GLRA2: variants seen among roughly 807,000 people sequenced by gnomAD.
The protein encoded by GLRA2 is glycine receptor alpha 2, also known as glycine receptor subunit alpha-2.
Under a neutral mutation model 31.6 loss-of-function variants are expected in GLRA2, and 11 were observed. That is an observed-to-expected ratio of 0.35 (90% confidence interval 0.22 to 0.58). GLRA2 has a LOEUF of 0.58. Ranked by LOEUF, GLRA2 falls within the 20% of genes least tolerant of loss-of-function variation. The pLI is 0.84. For synonymous variants in GLRA2, 132 were observed against 134.0 expected, an observed-to-expected ratio of 0.99 and a Z score of 0.10; for missense variants, 212 against 351.8, an observed-to-expected ratio of 0.60 and a Z score of 3.18.
At position 14,607,120 on chromosome X, in the gene GLRA2, C is replaced by A; in HGVS notation, c.578-11C>A. On this transcript the variant is annotated splice_polypyrimidine_tract_variant and intron_variant, in intron 5 of 8. Coordinates refer to ENST00000218075, the MANE Select transcript of GLRA2 (RefSeq NM_002063.4). ...CCATATTCAATTTTCACTATGATTT[C>A]TTTACCTCAGTTGGGTACACGATGA... 8.6e-7 allele frequency: 1 copy of A among 1,163,805 alleles called. No homozygotes were observed. Among genetic ancestry groups the A allele is most frequent in the African/African-American group, 1.8e-5 (1 of 56,209 alleles).
the GLRA2 span, among the ~76,000 whole-genome samples, chrX:14,471,320 A>C: frequency 3.6e-5 from 4 of 111,919 alleles, no homozygotes; most frequent in Admixed American, 1.9e-4. Flanking sequence ...GGCACCTTCA[A>C]CTGATATCTT....
Position 14,533,780 on chromosome X carries a change from G to C in GLRA2, c.202+1408G>C, listed in dbSNP as rs1330105658. Among the ~76,000 whole-genome samples, 3 of 110,970 alleles carry C rather than the reference G, an allele frequency of 2.7e-5. No individual in the cohort carries two copies. In the East Asian group the frequency reaches 8.4e-4, roughly 31 times the overall value. ...GGTGCTTCTATCAAAAATTTTAGTGGAGGGAGGAGATGTTACATGAATACT... is the reference window on the plus strand; with the variant it reads ...GGTGCTTCTATCAAAAATTTTAGTGCAGGGAGGAGATGTTACATGAATACT... On this transcript the variant is annotated intron_variant, in intron 2 of 8. Transcript: ENST00000218075.
chrX:14,555,964 C>G (rs1006823005), intron 2 of GLRA2, among the ~76,000 whole-genome samples: 6 of 111,331 alleles, frequency 5.4e-5, no homozygotes, highest in African/African-American at 2.0e-4. Context: ...CCAGAGCAAA[C>G]TAGAAAAGAT....
chrX:14,631,483 T>A (rs2090646370), intron 7 of GLRA2, among the ~76,000 whole-genome samples: 1 of 111,307 alleles, frequency 9.0e-6, no homozygotes, highest in African/African-American at 3.3e-5. Flanking sequence ...ATTGTGGTTT[T>A]TATCTTGTTG....
At chrX:14,480,797 T>A in the GLRA2 span, among the ~76,000 whole-genome samples, 1 of 111,847 alleles carries the variant, frequency 8.9e-6, no homozygotes, top group Admixed American at 9.5e-5. Context: ...TAACGTGGTA[T>A]CTCCAGGTTT....
At chrX:14,483,081 C>T in the GLRA2 span, among the ~76,000 whole-genome samples, 1 of 111,572 alleles carries the variant, frequency 9.0e-6, no homozygotes. Context: ...GAAAGGCAAC[C>T]CTCTTCCAAT....
At chrX:14,483,292 A>G in the GLRA2 span, among the ~76,000 whole-genome samples, 2 of 111,789 alleles carry the variant, frequency 1.8e-5, no homozygotes, top group African/African-American at 3.3e-5. Context: ...GGAACAATGC[A>G]GAAACTGAGA....
At chrX:14,578,828 A>G (rs753934744) in intron 3 of GLRA2, among the ~76,000 whole-genome samples, 1 of 111,594 alleles carries the variant, frequency 9.0e-6, no homozygotes, top group Non-Finnish European at 1.9e-5. Flanking sequence ...AAAATAGAGA[A>G]AAGATGCTCT....
chrX:14,644,842 A>G (rs1371833660), intron 7 of GLRA2, among the ~76,000 whole-genome samples: 1 of 112,110 alleles, frequency 8.9e-6, no homozygotes, highest in African/African-American at 3.2e-5. Flanking sequence ...ACAGAAGAAA[A>G]TAATTCAGTT....
intron 8 of GLRA2, among the ~76,000 whole-genome samples, chrX:14,693,532 T>A (rs770597310): frequency 2.9e-4 from 32 of 111,943 alleles, no homozygotes; most frequent in African/African-American, 9.7e-4. Context: ...TGAGGAATTG[T>A]AATATACCTC....
At chrX:14,503,397 T>C in the GLRA2 span, among the ~76,000 whole-genome samples, 1 of 111,634 alleles carries the variant, frequency 9.0e-6, no homozygotes, top group South Asian at 3.8e-4. Context: ...TTTCCGACGA[T>C]TAGTTTCTAT....
At chrX:14,493,562 C>T in the GLRA2 span, among the ~76,000 whole-genome samples, 6 of 103,188 alleles carry the variant, frequency 5.8e-5, no homozygotes, top group Non-Finnish European at 1.2e-4. Flanking sequence ...CATATATACA[C>T]ATATATACAT....
At chrX:14,527,714 C>G (rs6630545), upstream of GLRA2, among the ~76,000 whole-genome samples, 5 of 111,739 alleles carry the variant, frequency 4.5e-5, no homozygotes, top group South Asian at 1.1e-3. Flanking sequence ...ATCTTTATAC[C>G]TAATTTTCTT....
rs958806609 is a variant in GLRA2 at position 14,574,627 on chromosome X, C to G, written c.270+227C>G. On this transcript the variant is annotated intron_variant, in intron 3 of 8. Coordinates refer to ENST00000218075, the MANE Select transcript of GLRA2 (RefSeq NM_002063.4). ...GATGTGGGATTGAAGTGCACTGTGG[C>G]ATATTTGTGAGACATTTACTGAGTG... is the stretch of plus-strand genomic sequence containing the variant. 1.6e-5 allele frequency: 13 copies of G among 819,017 alleles called. No homozygotes were observed. The South Asian group carries it at 2.6e-4, about 16-fold the overall frequency. The allele number at this position is 819,017 out of a possible 1,213,427, so 67.5% of individuals were successfully genotyped here. A position where few individuals can be genotyped will look rare whatever the true frequency, so the allele number is the denominator to read the frequency against.
At chrX:14,495,916 G>A in the GLRA2 span, among the ~76,000 whole-genome samples, 4 of 110,780 alleles carry the variant, frequency 3.6e-5, no homozygotes, top group Non-Finnish European at 7.6e-5. Context: ...ATTTTGCAAA[G>A]GAGTACTTGA....
At position 14,584,213 on chromosome X, in the gene GLRA2, G is replaced by A. The variant is rs561071066; in HGVS notation, c.494+2807G>A. ...TCCCTGAACCTAAAATCAGCGTTTA[G>A]AAAAATTAATGTTCCTTTTCAGTAG... On this transcript the variant is annotated intron_variant, in intron 4 of 8. Transcript: ENST00000218075. 4.0e-4 allele frequency among the ~76,000 whole-genome samples: 45 copies of A among 111,770 alleles called. 1 individual carries two copies. The South Asian group carries it at 0.017, about 41-fold the overall frequency.
At chrX:14,569,403 A>G (rs1413791127) in intron 2 of GLRA2, among the ~76,000 whole-genome samples, 1 of 112,622 alleles carries the variant, frequency 8.9e-6, no homozygotes, top group African/African-American at 3.2e-5. Flanking sequence ...CATGTAAAGA[A>G]CTACAATTCA....
intron 7 of GLRA2, among the ~76,000 whole-genome samples, chrX:14,635,512 G>A (rs2090701276): frequency 9.0e-6 from 1 of 111,699 alleles, no homozygotes; most frequent in Non-Finnish European, 1.9e-5. Context: ...TTTCTATAAC[G>A]CTTGTGTGTC....
the GLRA2 span, among the ~76,000 whole-genome samples, chrX:14,461,819 CTTTGAATTGGAGCA>C: frequency 2.7e-5 from 3 of 112,135 alleles, no homozygotes. Context: ...CAGTCTGTGT[CTTTGAATTGGAGCA>C]TTTAGCCCAT....
Sources: gnomAD v4.1 joint callset for allele counts (sites outside exome capture counted in the v4.1 genomes callset) on GRCh38, gnomAD v4.1.1 for gene constraint, MANE v1.5 for transcripts, NCBI Gene and HGNC (gene_info 2026-07-23, HGNC 2026-07-21) for gene names.